The following CTNNA3 variants were observed in gnomAD, a reference collection of about 807,000 sequenced individuals.
The protein encoded by CTNNA3 is catenin alpha 3.
Under a neutral mutation model 95.7 loss-of-function variants are expected in CTNNA3, and 76 were observed. The ratio of observed to expected loss-of-function variants is 0.79; its 90% confidence interval spans 0.66 to 0.96. CTNNA3 has a LOEUF of 0.96. Ranked by LOEUF, CTNNA3 falls within the 40% of genes least tolerant of loss-of-function variation. The pLI, the probability that CTNNA3 is intolerant of heterozygous loss-of-function variation, is 0.00. For missense variants in CTNNA3, 1,191 were observed against 1,089.8 expected, an observed-to-expected ratio of 1.09 and a Z score of -1.31; for synonymous variants, 431 against 374.4, an observed-to-expected ratio of 1.15 and a Z score of -1.74.
chr10:65,954,538 T>C (rs1044419798), intron 17 of CTNNA3, among the ~76,000 whole-genome samples: 2 of 152,256 alleles, frequency 1.3e-5, no homozygotes, highest in African/African-American at 4.8e-5. Flanking sequence ...TTTAAGTCTT[T>C]AATCCATCTT....
rs544625447 is a variant in CTNNA3, at chr10:66,618,079, A to G, written c.1374+3613T>C. ...ATAAAAAAGGATACAAACAAATGGA[A>G]GAACATTCCATGCTCATGGATAGGA... On this transcript the variant is annotated intron_variant, in intron 10 of 17. Transcript: ENST00000433211. Among the ~76,000 whole-genome samples the G allele has an allele frequency of 1.8e-3, 273 of 152,216 alleles. 1 individual carries two copies. The highest frequency in any genetic ancestry group is 6.8e-3 in the Middle Eastern group (2 of 294).
chr10:67,073,195 T>C (rs1329902223), intron 7 of CTNNA3, among the ~76,000 whole-genome samples: 2 of 152,224 alleles, frequency 1.3e-5, no homozygotes, highest in African/African-American at 4.8e-5. Context: ...CTAATTTATT[T>C]GGTTTGTACA....
intron 10 of CTNNA3, among the ~76,000 whole-genome samples, chr10:66,580,754 AT>A (rs1202703859): frequency 6.6e-6 from 1 of 151,790 alleles, no homozygotes; most frequent in Admixed American, 6.6e-5. Context: ...GGGTTGCCTC[AT>A]TACTGCCTGG....
At chr10:67,290,303 T>C (rs537686272) in intron 5 of CTNNA3, among the ~76,000 whole-genome samples, 2 of 152,306 alleles carry the variant, frequency 1.3e-5, no homozygotes, top group East Asian at 3.9e-4. Context: ...TAGTCTGTTA[T>C]GTAAAGAGAA....
At chr10:67,330,448 A>T (rs1204133806) in intron 5 of CTNNA3, among the ~76,000 whole-genome samples, 2 of 152,208 alleles carry the variant, frequency 1.3e-5, no homozygotes, top group African/African-American at 4.8e-5. Context: ...ATCAGTTCGT[A>T]CATATAAAGC....
intron 12 of CTNNA3, among the ~76,000 whole-genome samples, chr10:66,328,650 C>A (rs911745157): frequency 4.6e-5 from 7 of 151,536 alleles, no homozygotes; most frequent in Non-Finnish European, 8.8e-5. Flanking sequence ...AGAAACAGAA[C>A]CATTTTATGT....
intron 7 of CTNNA3, chr10:66,928,217 T>C: frequency 6.2e-7 from 1 of 1,614,158 alleles, no homozygotes; most frequent in Non-Finnish European, 8.5e-7. Context: ...GTGCTCGTCA[T>C]CCTGCTGGTT....
At chr10:66,647,845 G>A (rs1314546973) in intron 9 of CTNNA3, among the ~76,000 whole-genome samples, 2 of 151,964 alleles carry the variant, frequency 1.3e-5, no homozygotes, top group Non-Finnish European at 1.5e-5. Flanking sequence ...ATATGTTTTT[G>A]AAAAGAAGAA....
chr10:66,264,035 G>A (rs1247578037), intron 13 of CTNNA3, among the ~76,000 whole-genome samples: 1 of 151,560 alleles, frequency 6.6e-6, no homozygotes, highest in African/African-American at 2.4e-5. Flanking sequence ...CATATTTTCT[G>A]CTCTAATATA....
At chr10:66,717,452 GACTGGAAGTT>G (rs1295023248) in intron 9 of CTNNA3, among the ~76,000 whole-genome samples, 19 of 152,142 alleles carry the variant, frequency 1.2e-4, no homozygotes, top group African/African-American at 4.8e-5. Context: ...TCCTATTCTA[GACTGGAAGTT>G]CCTTGTGTGC....
intron 9 of CTNNA3, among the ~76,000 whole-genome samples, chr10:66,748,626 C>G (rs1395283180): frequency 6.6e-6 from 1 of 152,094 alleles, no homozygotes; most frequent in Admixed American, 6.6e-5. Context: ...ACCAGATGTT[C>G]ATTTTACCTG....
chr10:66,635,246 A>G (rs1264859087), intron 9 of CTNNA3, among the ~76,000 whole-genome samples: 2 of 152,144 alleles, frequency 1.3e-5, no homozygotes, highest in Non-Finnish European at 2.9e-5. Context: ...AAAGAGATGA[A>G]ACAAATCTAA....
intron 15 of CTNNA3, among the ~76,000 whole-genome samples, chr10:66,057,993 T>C (rs940613032): frequency 6.6e-6 from 1 of 152,170 alleles, no homozygotes; most frequent in African/African-American, 2.4e-5. Flanking sequence ...TCATAAGACA[T>C]AGACTGTTTC....
chr10:67,180,941 T>C (rs1195090518), intron 6 of CTNNA3, among the ~76,000 whole-genome samples: 1 of 152,194 alleles, frequency 6.6e-6, no homozygotes, highest in Non-Finnish European at 1.5e-5. Context: ...GCACTGTTTA[T>C]ACAATATTTT....
At chr10:66,851,304 C>T (rs1843476086) in intron 7 of CTNNA3, among the ~76,000 whole-genome samples, 1 of 152,136 alleles carries the variant, frequency 6.6e-6, no homozygotes, top group Admixed American at 6.6e-5. Flanking sequence ...CTTCCTTCTG[C>T]TTCCTTTGAA....
Position 66,364,413 on chromosome 10 carries a change from C to T in CTNNA3, c.1732+14739G>A, listed in dbSNP as rs116599748. ...AAATTATTGAATAAAAAAATTACAT[C>T]GACAAAACACCTAGTTCTCCAGGAG... On this transcript the variant is annotated intron_variant, in intron 12 of 17. Transcript: ENST00000433211. Among the ~76,000 whole-genome samples the T allele has an allele frequency of 5.6e-3, 857 of 151,784 alleles. 6 individuals carry two copies. The highest frequency in any genetic ancestry group is 0.019 in the African/African-American group (801 of 41,446).
In CTNNA3 at chr10:65,920,213, T is replaced by C; in HGVS notation, c.*117A>G. 1 of 861,706 alleles carries C rather than the reference T, an allele frequency of 1.2e-6. No individual in the cohort carries two copies. The highest frequency in any genetic ancestry group is 1.8e-6 in the Non-Finnish European group (1 of 548,314). 53.4% of individuals were successfully genotyped at this position (861,706 alleles called of 1,614,324 possible). ...TTGATTTAGCGCCCAATATTTTATG[T>C]TATTTGTGAGTTAAACACCAAAACT... On this transcript the variant is annotated 3_prime_UTR_variant, in exon 18 of 18. Coordinates refer to ENST00000433211, the MANE Select transcript of CTNNA3 (RefSeq NM_013266.4).
Position 65,940,476 on chromosome 10 carries a change from T to C in CTNNA3, c.2401-19859A>G, listed in dbSNP as rs114812500. Among the ~76,000 whole-genome samples the C allele has an allele frequency of 7.9e-3, 1,202 of 152,350 alleles. 16 individuals carry two copies. The highest frequency in any genetic ancestry group is 0.028 in the African/African-American group (1,155 of 41,586). On this transcript the variant is annotated intron_variant, in intron 17 of 17. Coordinates refer to ENST00000433211, the MANE Select transcript of CTNNA3 (RefSeq NM_013266.4). ...GCCACTATTCACTCTGATGTTATTA[T>C]AGATTATGTTGTTCAACATATACTG...
intron 7 of CTNNA3, among the ~76,000 whole-genome samples, chr10:66,916,579 C>T (rs774892060): frequency 6.6e-6 from 1 of 152,144 alleles, no homozygotes; most frequent in African/African-American, 2.4e-5. Flanking sequence ...TATTAAATTT[C>T]AAGAATCCTG....
Sources: allele counts gnomAD v4.1 joint callset (sites outside exome capture counted in the v4.1 genomes callset), GRCh38; gene constraint gnomAD v4.1.1; transcripts MANE v1.5; gene names NCBI Gene and HGNC (gene_info 2026-07-23, HGNC 2026-07-21).